COG5: variants seen among roughly 807,000 people sequenced by gnomAD.
The protein encoded by COG5 is component of oligomeric golgi complex 5, also known as conserved oligomeric Golgi complex subunit 5.
A neutral mutation model predicts 110.4 loss-of-function variants in COG5; 86 were observed. The observed-to-expected ratio is 0.78, with a 90% CI of 0.65 to 0.93. The LOEUF (loss-of-function observed/expected upper bound fraction) is 0.93, where lower values mean the gene tolerates loss of function less well. Ranked by LOEUF, COG5 falls within the 40% of genes least tolerant of loss-of-function variation. COG5 has a pLI of 0.00. For missense variants in COG5, 1,077 were observed against 987.0 expected, an observed-to-expected ratio of 1.09 and a Z score of -1.22; for synonymous variants, 360 against 334.6, an observed-to-expected ratio of 1.08 and a Z score of -0.83.
At chr7:107,513,878 T>A (rs989569811) in intron 6 of COG5, among the ~76,000 whole-genome samples, 24 of 145,248 alleles carry the variant, frequency 1.7e-4, no homozygotes, top group Non-Finnish European at 2.4e-4. Flanking sequence ...AAGGGGAACA[T>A]CACACTCCGG....
intron 20 of COG5, 138 bp from the exon 21 acceptor site, chr7:107,210,743 G>T: frequency 1.0e-6 from 1 of 984,166 alleles, no homozygotes; most frequent in East Asian, 2.6e-5. Context: ...GTGTGAAGGG[G>T]GCATAGGCCT....
intron 19 of COG5, among the ~76,000 whole-genome samples, chr7:107,228,261 C>G (rs917731127): frequency 6.7e-6 from 1 of 148,536 alleles, no homozygotes; most frequent in East Asian, 2.0e-4. Flanking sequence ...AGATGGAGAT[C>G]GCACCACTGC....
chr7:107,474,137 T>A lies in COG5; in HGVS notation c.538+53100A>T. Reference sequence around the variant, plus strand: ...ACAGTGCGAGATGACATTGATGACATCAACACCAATATGTACCAACCACTA... The same window carrying A: ...ACAGTGCGAGATGACATTGATGACAACAACACCAATATGTACCAACCACTA... On this transcript the variant is annotated intron_variant, in intron 6 of 21. Coordinates refer to ENST00000297135, the MANE Select transcript of COG5 (RefSeq NM_006348.5). This position sits in a 1 kb window ranked among gnomAD's most constrained non-coding sequence, Gnocchi z 5.7. 1.2e-6 allele frequency: 2 copies of A among 1,608,588 alleles called. No homozygotes were observed. The highest frequency in any genetic ancestry group is 1.7e-5 in the Admixed American group (1 of 59,884).
intron 6 of COG5, among the ~76,000 whole-genome samples, chr7:107,479,475 C>G (rs1394467794): frequency 6.6e-6 from 1 of 151,914 alleles, no homozygotes; most frequent in Non-Finnish European, 1.5e-5. Flanking sequence ...AAAGGCCTGG[C>G]AAAAAGTGAT....
intron 21 of COG5, chr7:107,208,472 AT>A (rs1798926460): frequency 1.0e-6 from 1 of 985,274 alleles, no homozygotes; most frequent in South Asian, 4.7e-5. Flanking sequence ...GATGAGAAAA[AT>A]GAACGTGTTC....
chr7:107,206,999 C>G (rs1224432681), intron 21 of COG5, among the ~76,000 whole-genome samples: 2 of 146,188 alleles, frequency 1.4e-5, no homozygotes, highest in African/African-American at 2.5e-5. Flanking sequence ...AAAAAAAACA[C>G]GATTAGTAGA....
chr7:107,372,361 C>T (rs1814252059), intron 8 of COG5, among the ~76,000 whole-genome samples: 1 of 152,082 alleles, frequency 6.6e-6, no homozygotes, highest in Non-Finnish European at 1.5e-5. Flanking sequence ...CCAAATGACG[C>T]TACAGTTTAT....
intron 6 of COG5, among the ~76,000 whole-genome samples, chr7:107,519,177 A>G (rs1012223048): frequency 3.3e-5 from 5 of 152,190 alleles, no homozygotes; most frequent in Admixed American, 6.5e-5. Context: ...TTATAGCACT[A>G]AATGCCCACA....
chr7:107,326,964 C>T (rs1809818499), intron 10 of COG5, among the ~76,000 whole-genome samples: 1 of 152,036 alleles, frequency 6.6e-6, no homozygotes, highest in Admixed American at 6.6e-5. Context: ...TTGCTTGAGC[C>T]TAGGTGTTTG....
intron 10 of COG5, 74 bp from the exon 11 acceptor site, chr7:107,324,595 G>T: frequency 1.4e-6 from 1 of 731,400 alleles, no homozygotes; most frequent in Non-Finnish European, 2.3e-6. Flanking sequence ...TGGGTAACAC[G>T]TAACCTTGAA....
chr7:107,471,171 C>A (rs989655603), intron 6 of COG5, among the ~76,000 whole-genome samples: 4 of 151,880 alleles, frequency 2.6e-5, no homozygotes, highest in African/African-American at 9.7e-5. Flanking sequence ...TGTTAAATAA[C>A]ATAATATATA....
At chr7:107,380,247 A>G (rs1814997444) in intron 7 of COG5, among the ~76,000 whole-genome samples, 2 of 152,222 alleles carry the variant, frequency 1.3e-5, no homozygotes, top group Non-Finnish European at 2.9e-5. Flanking sequence ...CATCACAATT[A>G]AAAGAACTAG....
chr7:107,385,322 A>C (rs1198104618), intron 7 of COG5, among the ~76,000 whole-genome samples: 4 of 152,190 alleles, frequency 2.6e-5, no homozygotes, highest in African/African-American at 7.2e-5. Context: ...ATACGTTTCT[A>C]TTGTTTTAAG....
intron 7 of COG5, among the ~76,000 whole-genome samples, chr7:107,387,901 G>A (rs140724479): frequency 6.6e-6 from 1 of 152,344 alleles, no homozygotes; most frequent in East Asian, 1.9e-4. Flanking sequence ...CACCCTGTGT[G>A]CTCTTTTTCT....
At chr7:107,532,170 C>A (rs919769321) in intron 5 of COG5, among the ~76,000 whole-genome samples, 1 of 152,206 alleles carries the variant, frequency 6.6e-6, no homozygotes, top group Admixed American at 6.5e-5. Flanking sequence ...GATTCTCCTG[C>A]CTCAGCCACC....
chr7:107,311,841 T>G (rs1450673108), intron 11 of COG5, among the ~76,000 whole-genome samples: 1 of 152,116 alleles, frequency 6.6e-6, no homozygotes, highest in Non-Finnish European at 1.5e-5. Flanking sequence ...TCAAGGTTTT[T>G]TTCCATGCAA....
At chr7:107,219,308 A>G (rs1584534370) in intron 19 of COG5, among the ~76,000 whole-genome samples, 1 of 152,300 alleles carries the variant, frequency 6.6e-6, no homozygotes, top group East Asian at 1.9e-4. Flanking sequence ...AAATAGAATT[A>G]CAATATGACT....
At chr7:107,206,504 C>G (rs1798799275) in intron 21 of COG5, among the ~76,000 whole-genome samples, 1 of 152,190 alleles carries the variant, frequency 6.6e-6, no homozygotes, top group Non-Finnish European at 1.5e-5. Flanking sequence ...GAAATTGTCT[C>G]CACTCCCCAA....
At chr7:107,370,372 C>T (rs1017839518) in intron 8 of COG5, among the ~76,000 whole-genome samples, 1 of 152,098 alleles carries the variant, frequency 6.6e-6, no homozygotes, top group African/African-American at 2.4e-5. Flanking sequence ...TGACCTCATG[C>T]CCATCATTCT....
Sources: allele counts gnomAD v4.1 joint callset (sites outside exome capture counted in the v4.1 genomes callset), GRCh38; gene constraint gnomAD v4.1.1; non-coding constraint Gnocchi (gnomAD v3.1); transcripts MANE v1.5; gene names NCBI Gene and HGNC (gene_info 2026-07-23, HGNC 2026-07-21).